The following LRRC1 variants were observed in gnomAD, a reference collection of about 807,000 sequenced individuals.
LRRC1 encodes leucine rich repeat containing 1.
In LRRC1, 28 loss-of-function variants were observed where a neutral mutation model predicts 69.9. The ratio of observed to expected loss-of-function variants is 0.40; its 90% CI spans 0.30 to 0.55. LRRC1 has a LOEUF of 0.55. Ranked by LOEUF, LRRC1 falls within the 20% of genes least tolerant of loss-of-function variation. The probability of loss-of-function intolerance (pLI) is 0.47; values close to 1 mark genes in which losing one functional copy is unlikely to be tolerated. For synonymous variants in LRRC1, 236 were observed against 240.2 expected (o/e 0.98, Z 0.16); for missense variants, 498 against 609.0 (o/e 0.82, Z 1.92).
At chr6:53,829,099 T>C (rs905517102) in intron 1 of LRRC1, among the ~76,000 whole-genome samples, 1 of 152,010 alleles carries the variant, frequency 6.6e-6, no homozygotes, top group Admixed American at 6.5e-5. Context: ...TGTTGGGGAG[T>C]TGGGATTATG....
intron 2 of LRRC1, among the ~76,000 whole-genome samples, chr6:53,850,382 G>A (rs12201593): frequency 6.6e-6 from 1 of 152,206 alleles, no homozygotes; most frequent in Non-Finnish European, 1.5e-5. Context: ...GGGTTTCTCA[G>A]TTGGGTTGTC....
chr6:53,833,219 T>G (rs1395261649), intron 1 of LRRC1, among the ~76,000 whole-genome samples: 1 of 152,192 alleles, frequency 6.6e-6, no homozygotes, highest in Non-Finnish European at 1.5e-5. Context: ...TTGCTTTTAG[T>G]AAAAGCTTCT....
intron 10 of LRRC1, among the ~76,000 whole-genome samples, chr6:53,913,104 GCTTA>G (rs1768462896): frequency 6.6e-6 from 1 of 152,056 alleles, no homozygotes; most frequent in Admixed American, 6.5e-5. Context: ...CCTTTAAATT[GCTTA>G]CTTTAAAAAA....
chr6:53,812,573 C>T (rs1383419849), intron 1 of LRRC1, among the ~76,000 whole-genome samples: 5 of 151,584 alleles, frequency 3.3e-5, no homozygotes, highest in Admixed American at 3.3e-4. Context: ...GCCTGTAGTC[C>T]CAGCTACTCG....
intron 4 of LRRC1, among the ~76,000 whole-genome samples, chr6:53,890,691 G>A (rs1767651176): frequency 1.3e-5 from 2 of 152,068 alleles, no homozygotes; most frequent in South Asian, 4.2e-4. Context: ...CTAGAGCAAA[G>A]CCACCGTAAG....
intron 2 of LRRC1, among the ~76,000 whole-genome samples, chr6:53,860,264 A>G (rs2127422775): frequency 6.6e-6 from 1 of 152,336 alleles, no homozygotes; most frequent in Admixed American, 6.5e-5. Context: ...GGACTAAAAC[A>G]TTCATTCAAT....
intron 1 of LRRC1, among the ~76,000 whole-genome samples, chr6:53,816,626 G>A (rs1396285560): frequency 6.6e-6 from 1 of 152,048 alleles, no homozygotes; most frequent in African/African-American, 2.4e-5. Flanking sequence ...CTTACAATCA[G>A]AATATATAAA....
chr6:53,897,223 T>G, intron 6 of LRRC1, 62 bp from the exon 7 acceptor site: 1 of 1,126,462 alleles, frequency 8.9e-7, no homozygotes, highest in Middle Eastern at 2.7e-4. Flanking sequence ...GTTTCTTTCT[T>G]TCTTCAGGGA....
In LRRC1 at chr6:53,919,590, C is replaced by G; in HGVS notation, c.1199C>G (p.Thr400Arg). ...NQSQPLLTFQ[T>R]DTDYTTGEKI... Reference sequence around the variant, plus strand: ...TCCCAGCCCCTGCTTACATTCCAGACAGACACAGACTACACCACAGGAGAG... The same window carrying G: ...TCCCAGCCCCTGCTTACATTCCAGAGAGACACAGACTACACCACAGGAGAG... Residue 400 changes from threonine to arginine, a missense_variant, in exon 12 of 14, where the codon ACA becomes AGA. Physicochemically the swap from Thr to Arg is moderately conservative, Grantham distance 71 (BLOSUM62 -1). Around this residue, in one of 3 missense-constraint regions of LRRC1, gnomAD observed 162 missense variants for 162.9 expected, o/e 0.99. Transcript: ENST00000370888. The G allele has an allele frequency of 6.2e-7, 1 of 1,613,842 alleles. No homozygotes were observed. The highest frequency in any genetic ancestry group is 8.5e-7 in the Non-Finnish European group (1 of 1,179,946).
intron 1 of LRRC1, among the ~76,000 whole-genome samples, chr6:53,821,633 A>G (rs961540804): frequency 7.9e-5 from 12 of 152,172 alleles, no homozygotes; most frequent in Admixed American, 4.6e-4. Context: ...TTGGATGATC[A>G]TGATTATTAT....
chr6:53,846,107 T>C (rs1444888252), intron 2 of LRRC1, among the ~76,000 whole-genome samples: 1 of 152,214 alleles, frequency 6.6e-6, no homozygotes, highest in Non-Finnish European at 1.5e-5. Context: ...TGCGTTTCTC[T>C]TTAAAGACGT....
intron 1 of LRRC1, among the ~76,000 whole-genome samples, chr6:53,799,566 C>T (rs780389461): frequency 6.6e-6 from 1 of 152,190 alleles, no homozygotes; most frequent in Non-Finnish European, 1.5e-5. Flanking sequence ...TTTTTGTTTT[C>T]CATCTCTTCT....
intron 2 of LRRC1, among the ~76,000 whole-genome samples, chr6:53,856,419 G>C (rs1219918961): frequency 1.3e-5 from 2 of 152,162 alleles, no homozygotes; most frequent in Non-Finnish European, 2.9e-5. Flanking sequence ...GGAGCTGGGA[G>C]GTTGTGGGGC....
At chr6:53,877,354 C>G (rs368506964) in intron 2 of LRRC1, among the ~76,000 whole-genome samples, 1 of 152,210 alleles carries the variant, frequency 6.6e-6, no homozygotes, top group African/African-American at 2.4e-5. Context: ...GACCTTTGAA[C>G]ATGCCCTGGA....
rs781104429 is a variant in LRRC1 at position 53,922,895 on chromosome 6, C to T, written c.*102C>T. ...CGTGCTCCTTGTCCTAACCAGCCCC[C>T]GCGCGCCATCTTCCCGTGGAGTGTG... On this transcript the variant is annotated 3_prime_UTR_variant, in exon 14 of 14. Coordinates refer to ENST00000370888, the MANE Select transcript of LRRC1 (RefSeq NM_018214.5). The T allele has an allele frequency of 1.9e-5, 21 of 1,131,500 alleles. No individual in the cohort carries two copies. Among genetic ancestry groups the T allele is most frequent in the East Asian group, 1.4e-4 (6 of 41,960 alleles). 70.1% of individuals were successfully genotyped at this position (1,131,500 alleles called of 1,614,324 possible). A position where few individuals can be genotyped will look rare whatever the true frequency, so the allele number is the denominator to read the frequency against.
At chr6:53,892,505 T>C (rs193251746) in intron 4 of LRRC1, among the ~76,000 whole-genome samples, 1 of 152,202 alleles carries the variant, frequency 6.6e-6, no homozygotes, top group East Asian at 1.9e-4. Flanking sequence ...GCACACAGGA[T>C]TAGGTTTGGA....
chr6:53,877,170 C>T (rs1263831016), intron 2 of LRRC1, among the ~76,000 whole-genome samples: 3 of 152,220 alleles, frequency 2.0e-5, no homozygotes, highest in African/African-American at 7.2e-5. Context: ...GGGGCTTCCA[C>T]CCTCTGAAGC....
chr6:53,923,934 C>T lies in LRRC1; in HGVS notation c.*1141C>T, dbSNP rs1235643556. ...GTTTGAATCAAAGTATCACAAAATA[C>T]TGCTTCAAGATTTAATTTTAAATCT... On this transcript the variant is annotated 3_prime_UTR_variant, in exon 14 of 14. Transcript: ENST00000370888. 1.3e-5 allele frequency: 2 copies of T among 152,562 alleles called. No homozygotes were observed. The highest frequency in any genetic ancestry group is 2.9e-5 in the Non-Finnish European group (2 of 68,028). The allele number at this position is 152,562 out of a possible 1,614,324, so 9.5% of individuals were successfully genotyped here.
intron 1 of LRRC1, among the ~76,000 whole-genome samples, chr6:53,840,407 CTT>C (rs1765744079): frequency 6.6e-6 from 1 of 152,042 alleles, no homozygotes. Context: ...TGCCTGGAAA[CTT>C]TTAGAATCTA....
Sources: gnomAD v4.1 joint callset for allele counts (sites outside exome capture counted in the v4.1 genomes callset) on GRCh38, gnomAD v4.1.1 for gene constraint, gnomAD v4.1.1 regional missense constraint, MANE v1.5 for transcripts, NCBI Gene and HGNC (gene_info 2026-07-23, HGNC 2026-07-21) for gene names.